The following FGF13 variants were observed in gnomAD, a reference collection of about 807,000 sequenced individuals.
FGF13 encodes the protein fibroblast growth factor homologous factor 2.
FGF13 carries 2 observed loss-of-function variants against 19.5 expected under a neutral mutation model. The ratio of observed to expected loss-of-function variants is 0.10; its 90% CI spans 0.04 to 0.32. The LOEUF (loss-of-function observed/expected upper bound fraction) is 0.32. Among genes scored for constraint, FGF13 ranks in the 10% least tolerant of loss-of-function variants. The pLI, the probability that FGF13 is intolerant of heterozygous loss-of-function variation, is 1.00. For synonymous variants in FGF13, 72 were observed against 76.9 expected, an observed-to-expected ratio of 0.94 and a Z score of 0.33; for missense variants, 113 against 192.7, an observed-to-expected ratio of 0.59 and a Z score of 2.45.
At chrX:138,742,888 T>C (rs1490736173), upstream of FGF13, among the ~76,000 whole-genome samples, 1 of 112,180 alleles carries the variant, frequency 8.9e-6, no homozygotes, top group African/African-American at 3.2e-5. Flanking sequence ...AGTACGTTGT[T>C]TACTTGCTGT....
intron 1 of FGF13, among the ~76,000 whole-genome samples, chrX:139,074,580 A>C (rs1048896141): frequency 8.9e-6 from 1 of 112,128 alleles, no homozygotes; most frequent in Non-Finnish European, 1.9e-5. Flanking sequence ...CCATGCCTTC[A>C]GTGTGGTGTC....
At chrX:138,949,120 A>G (rs920789339) in intron 1 of FGF13, among the ~76,000 whole-genome samples, 1 of 111,883 alleles carries the variant, frequency 8.9e-6, no homozygotes, top group Non-Finnish European at 1.9e-5. Flanking sequence ...GGTGAAGAAG[A>G]GAAATTACAT....
At chrX:139,074,483 C>A (rs1225236812) in intron 1 of FGF13, among the ~76,000 whole-genome samples, 1 of 111,753 alleles carries the variant, frequency 8.9e-6, no homozygotes, top group Non-Finnish European at 1.9e-5. Flanking sequence ...GTCACACAAT[C>A]CATTCATTTT....
intron 1 of FGF13, among the ~76,000 whole-genome samples, chrX:138,901,207 G>C (rs952108688): frequency 8.9e-6 from 1 of 111,981 alleles, no homozygotes. Flanking sequence ...GTGCTAAAAG[G>C]CATGCTAGAA....
At chrX:138,962,900 T>G (rs1023468675) in intron 1 of FGF13, among the ~76,000 whole-genome samples, 12 of 111,447 alleles carry the variant, frequency 1.1e-4, no homozygotes, top group African/African-American at 3.9e-4. Context: ...GTGTAAATGA[T>G]GAGTTAATGG....
chrX:138,895,335 T>A (rs1485750223), intron 1 of FGF13, among the ~76,000 whole-genome samples: 1 of 112,006 alleles, frequency 8.9e-6, no homozygotes, highest in Non-Finnish European at 1.9e-5. Flanking sequence ...GGTTAATATC[T>A]AAAATGTATA....
At chrX:138,689,925 T>A (rs1188193308) in intron 3 of FGF13, among the ~76,000 whole-genome samples, 3 of 112,420 alleles carry the variant, frequency 2.7e-5, no homozygotes, top group Non-Finnish European at 5.6e-5. Flanking sequence ...GTAATGTACA[T>A]GAGCTTTGAT....
intron 1 of FGF13, among the ~76,000 whole-genome samples, chrX:139,128,559 T>C (rs2083735594): frequency 8.9e-6 from 1 of 112,470 alleles, no homozygotes; most frequent in South Asian, 3.7e-4. Context: ...CTTTCTCCTA[T>C]ATAGCCTCTG....
chrX:139,180,718 G>A (rs955475424), intron 1 of FGF13, among the ~76,000 whole-genome samples: 3 of 111,092 alleles, frequency 2.7e-5, no homozygotes, highest in African/African-American at 9.8e-5. Context: ...ACTGTGTGTG[G>A]TCACAGTCCC....
At chrX:138,984,203 T>G (rs904553090) in intron 1 of FGF13, among the ~76,000 whole-genome samples, 4 of 109,545 alleles carry the variant, frequency 3.7e-5, no homozygotes, top group African/African-American at 1.3e-4. Flanking sequence ...AGCCCAGGAG[T>G]TTGAGATCAG....
intron 1 of FGF13, among the ~76,000 whole-genome samples, chrX:139,017,400 A>G (rs2092158830): frequency 9.2e-6 from 1 of 108,977 alleles, no homozygotes; most frequent in African/African-American, 3.3e-5. Context: ...TATATGTAAT[A>G]GATATGAATA....
chrX:138,825,409 G>A (rs1440220946), intron 3 of FGF13, among the ~76,000 whole-genome samples: 2 of 111,768 alleles, frequency 1.8e-5, no homozygotes, highest in African/African-American at 6.5e-5. Context: ...ATTGGTACCT[G>A]GCACATAATA....
upstream of FGF13, among the ~76,000 whole-genome samples, chrX:138,741,920 T>C (rs2090321608): frequency 8.9e-6 from 1 of 111,938 alleles, no homozygotes; most frequent in Admixed American, 9.4e-5. Context: ...ACCAGAGGAC[T>C]CAGGTTCCAC....
chrX:138,887,250 T>C lies in FGF13; in HGVS notation c.-112-22600A>G, dbSNP rs147143725. Among the ~76,000 whole-genome samples, 411 of 112,059 alleles carry C rather than the reference T, an allele frequency of 3.7e-3. 3 individuals are homozygous for C. The highest frequency in any genetic ancestry group is 0.012 in the African/African-American group (370 of 30,838). On this transcript the variant is annotated intron_variant, in intron 1 of 2. Transcript: ENST00000421460. ...AAATAAATATATGAAATGTGTACAA[T>C]GTCTAGCTCACAGCAAACTCCAGAA...
intron 3 of FGF13, among the ~76,000 whole-genome samples, chrX:138,794,061 T>C (rs1314985601): frequency 9.0e-6 from 1 of 111,253 alleles, no homozygotes; most frequent in Admixed American, 9.6e-5. Context: ...AAGTGGAAGA[T>C]GGCTCAGAAC....
intron 1 of FGF13, among the ~76,000 whole-genome samples, chrX:139,074,571 C>T (rs1422582730): frequency 8.9e-6 from 1 of 112,120 alleles, no homozygotes; most frequent in Admixed American, 9.4e-5. Context: ...AAATAGTCAC[C>T]ATGCCTTCAG....
At chrX:139,035,779 C>G (rs2092248778) in intron 1 of FGF13, among the ~76,000 whole-genome samples, 1 of 111,134 alleles carries the variant, frequency 9.0e-6, no homozygotes, top group South Asian at 3.8e-4. Flanking sequence ...AGGGACATAG[C>G]TCTCTGATGT....
intron 1 of FGF13, among the ~76,000 whole-genome samples, chrX:138,932,178 G>A (rs1166998431): frequency 8.9e-6 from 1 of 111,947 alleles, no homozygotes; most frequent in African/African-American, 3.2e-5. Flanking sequence ...ATATCGCCAC[G>A]AAGATAAAAG....
intron 1 of FGF13, among the ~76,000 whole-genome samples, chrX:139,196,756 C>T (rs947419550): frequency 1.3e-4 from 15 of 111,877 alleles, no homozygotes; most frequent in African/African-American, 3.9e-4. Context: ...AGGATGGCCT[C>T]GGTCTGTTTC....
Sources: allele counts gnomAD v4.1 joint callset (sites outside exome capture counted in the v4.1 genomes callset), GRCh38; gene constraint gnomAD v4.1.1; transcripts MANE v1.5; gene names NCBI Gene and HGNC (gene_info 2026-07-23, HGNC 2026-07-21).